The following COMMD10 variants were observed in gnomAD, a reference collection of about 807,000 sequenced individuals.
COMMD10 encodes the protein COMM domain-containing protein 10.
In COMMD10, 33 loss-of-function variants were observed where a neutral mutation model predicts 28.9. The observed-to-expected ratio is 1.14, with a 90% CI of 0.87 to 1.53. COMMD10 has a LOEUF of 1.53. Ranked by LOEUF, COMMD10 falls within the 40% of genes most tolerant of loss-of-function variation. COMMD10 has a pLI of 0.00. For missense variants in COMMD10, 310 were observed against 233.4 expected, an observed-to-expected ratio of 1.33 and a Z score of -2.14; for synonymous variants, 110 against 81.7, an observed-to-expected ratio of 1.35 and a Z score of -1.87.
At chr5:116,206,233 CT>C (rs1487338678) in intron 5 of COMMD10, among the ~76,000 whole-genome samples, 1 of 152,186 alleles carries the variant, frequency 6.6e-6, no homozygotes, top group East Asian at 1.9e-4. Context: ...ACTGTTTAAA[CT>C]TCCTACTCTA....
intron 5 of COMMD10, among the ~76,000 whole-genome samples, chr5:116,134,660 G>C (rs563392820): frequency 2.0e-5 from 3 of 152,154 alleles, no homozygotes; most frequent in South Asian, 2.1e-4. Context: ...TCTTGCTGTC[G>C]CCCAGGTTGG....
At chr5:116,133,887 G>T (rs1751939980) in intron 4 of COMMD10, among the ~76,000 whole-genome samples, 181 bp from the exon 5 acceptor site, 1 of 152,156 alleles carries the variant, frequency 6.6e-6, no homozygotes, top group South Asian at 2.1e-4. Flanking sequence ...GTGGCAGGAG[G>T]CCAATCTAAT....
At chr5:116,285,380 C>CT (rs1157048441) in intron 5 of COMMD10, among the ~76,000 whole-genome samples, 1 of 151,926 alleles carries the variant, frequency 6.6e-6, no homozygotes, top group Non-Finnish European at 1.5e-5. Flanking sequence ...GCCTGCCACC[C>CT]TTTCCTTTTT....
intron 5 of COMMD10, among the ~76,000 whole-genome samples, chr5:116,167,552 C>G (rs1753167778): frequency 6.6e-6 from 1 of 152,098 alleles, no homozygotes; most frequent in Non-Finnish European, 1.5e-5. Flanking sequence ...ATCAGATTCA[C>G]CAAGGTGGAC....
At position 116,292,748 on chromosome 5, in the gene COMMD10, C is replaced by G; in HGVS notation, c.*259C>G. 2.4e-6 allele frequency: 1 copy of G among 413,036 alleles called. No homozygotes were observed. 25.6% of individuals were successfully genotyped at this position (413,036 alleles called of 1,614,324 possible). ...CCTTTAAAGGAAACAAAAGTGAATA[C>G]CATATTGTTTTTACTGTCATAGTGT... On this transcript the variant is annotated 3_prime_UTR_variant, in exon 7 of 7. Transcript: ENST00000274458.
At chr5:116,242,633 G>A (rs187694564) in intron 5 of COMMD10, among the ~76,000 whole-genome samples, 4 of 152,242 alleles carry the variant, frequency 2.6e-5, no homozygotes, top group South Asian at 2.1e-4. Flanking sequence ...TGACCCAGTG[G>A]GAATGAAAGG....
chr5:116,179,143 C>T (rs1043795293), intron 5 of COMMD10, among the ~76,000 whole-genome samples: 6 of 152,018 alleles, frequency 3.9e-5, no homozygotes, highest in Non-Finnish European at 8.8e-5. Context: ...AAATGTAAAA[C>T]GTACAATGTG....
chr5:116,264,831 CATT>C (rs1750543882), intron 5 of COMMD10, among the ~76,000 whole-genome samples: 2 of 151,868 alleles, frequency 1.3e-5, no homozygotes, highest in South Asian at 2.1e-4. Flanking sequence ...TAGCCTAAGA[CATT>C]ATTTGATTTT....
chr5:116,258,937 A>G (rs928851853), intron 5 of COMMD10, among the ~76,000 whole-genome samples: 2 of 151,424 alleles, frequency 1.3e-5, no homozygotes, highest in South Asian at 4.1e-4. Flanking sequence ...TTCAGTAGCT[A>G]CTAGAACTTC....
chr5:116,154,631 T>C (rs1292445349), intron 5 of COMMD10, among the ~76,000 whole-genome samples: 1 of 152,188 alleles, frequency 6.6e-6, no homozygotes, highest in Non-Finnish European at 1.5e-5. Context: ...TTAAGTGATT[T>C]ATATGGCAAG....
intron 4 of COMMD10, among the ~76,000 whole-genome samples, chr5:116,133,458 T>C (rs1462496589): frequency 6.6e-6 from 1 of 152,232 alleles, no homozygotes; most frequent in East Asian, 1.9e-4. Context: ...TAAGAGTACC[T>C]TGGAAAGTAT....
At position 116,222,761 on chromosome 5, in the gene COMMD10, G is replaced by A. The variant is rs1359748321; in HGVS notation, c.511-68756G>A. The stretch of plus-strand genomic sequence containing the variant: ...GGCTGGAATGCAGTGGTGCCATCTC[G>A]GCTCACTGCAACCTCTGCCTCCCAG... On this transcript the variant is annotated intron_variant, in intron 5 of 6. Coordinates refer to ENST00000274458, the MANE Select transcript of COMMD10 (RefSeq NM_016144.4). Among the ~76,000 whole-genome samples, 9 of 152,126 alleles carry A rather than the reference G, an allele frequency of 5.9e-5. No homozygotes were observed. The East Asian group carries it at 9.7e-4, about 16-fold the overall frequency.
chr5:116,246,296 C>G (rs1487958015), intron 5 of COMMD10, among the ~76,000 whole-genome samples: 1 of 151,982 alleles, frequency 6.6e-6, no homozygotes, highest in Non-Finnish European at 1.5e-5. Flanking sequence ...AATATCTCTA[C>G]AAGAAAAACT....
At chr5:116,200,097 A>C (rs1481941030) in intron 5 of COMMD10, among the ~76,000 whole-genome samples, 1 of 139,404 alleles carries the variant, frequency 7.2e-6, no homozygotes, top group Admixed American at 7.6e-5. Context: ...CATCCCCTCA[A>C]GCATTTATCC....
chr5:116,108,766 C>T (rs1222345268), intron 4 of COMMD10, among the ~76,000 whole-genome samples: 1 of 152,052 alleles, frequency 6.6e-6, no homozygotes, highest in Admixed American at 6.5e-5. Flanking sequence ...TGCAGCTAGC[C>T]TGGTGTCTGC....
chr5:116,254,943 G>A (rs1319515631), intron 5 of COMMD10, among the ~76,000 whole-genome samples: 8 of 151,344 alleles, frequency 5.3e-5, no homozygotes, highest in Non-Finnish European at 8.8e-5. Context: ...AAGTCTCTTT[G>A]TAGGTCACTC....
Position 116,134,188 on chromosome 5 carries a change from G to GGT in COMMD10, c.510+11_510+12dup. ...CAATGAAGATTCAAAGGTAAGAAAT[G>GGT]GTATCCCATTAAAAGGATGTATTTT... is the stretch of plus-strand genomic sequence containing the variant. On this transcript the variant is annotated intron_variant, in intron 5 of 6. Transcript: ENST00000274458. The GGT allele has an allele frequency of 6.9e-7, 1 of 1,449,638 alleles. No homozygotes were observed. Among genetic ancestry groups the GGT allele is most frequent in the Non-Finnish European group, 9.7e-7 (1 of 1,029,622 alleles). The allele number at this position is 1,449,638 out of a possible 1,614,324, so 89.8% of individuals were successfully genotyped here.
At chr5:116,177,577 C>T (rs893581030) in intron 5 of COMMD10, among the ~76,000 whole-genome samples, 3 of 150,570 alleles carry the variant, frequency 2.0e-5, no homozygotes, top group African/African-American at 7.3e-5. Context: ...CAGATCTCTG[C>T]CTACTCTGTT....
At chr5:116,257,514 A>C (rs142641637) in intron 5 of COMMD10, among the ~76,000 whole-genome samples, 1 of 151,696 alleles carries the variant, frequency 6.6e-6, no homozygotes, top group Non-Finnish European at 1.5e-5. Flanking sequence ...CAATAAGACA[A>C]AACAGCTTTT....
Sources: gnomAD v4.1 joint callset for allele counts (sites outside exome capture counted in the v4.1 genomes callset) on GRCh38, gnomAD v4.1.1 for gene constraint, MANE v1.5 for transcripts, NCBI Gene and HGNC (gene_info 2026-07-23, HGNC 2026-07-21) for gene names.